RIPOR3: variants seen among roughly 807,000 people sequenced by gnomAD.
RIPOR3 encodes family with sequence similarity 65 member C.
A neutral mutation model predicts 114.3 loss-of-function variants in RIPOR3; 95 were observed. The ratio of observed to expected loss-of-function variants is 0.83; its 90% CI spans 0.70 to 0.99. RIPOR3 has a LOEUF of 0.99. RIPOR3 is among the 50% of genes least tolerant of loss of function. The pLI is 0.00. For missense variants in RIPOR3, 1,252 were observed against 1,266.9 expected, an observed-to-expected ratio of 0.99 and a Z score of 0.18; for synonymous variants, 575 against 543.8, an observed-to-expected ratio of 1.06 and a Z score of -0.80.
At chr20:50,646,989 A>C (rs1198008148) in intron 1 of RIPOR3, among the ~76,000 whole-genome samples, 1 of 152,172 alleles carries the variant, frequency 6.6e-6, no homozygotes, top group Admixed American at 6.5e-5. Context: ...GGTAGTTCCC[A>C]TAAGAAAAAG....
At position 50,616,008 on chromosome 20, in the gene RIPOR3, G is replaced by C; in HGVS notation, c.342C>G (p.Ser114=). The part of the protein sequence containing the change: ...SGRHKDTRRN[S]RLAFYYDLDK... Reference sequence around the variant, plus strand: ...AGGCAGGGAGGGGTCTCACCAGCCTGGAATTCCTCCTGGTGTCTTTGTGGC... The same window carrying C: ...AGGCAGGGAGGGGTCTCACCAGCCTCGAATTCCTCCTGGTGTCTTTGTGGC... Residue 114 remains serine (S), a synonymous_variant, in exon 4 of 22, where the codon TCC becomes TCG. Coordinates refer to ENST00000327979, the MANE Select transcript of RIPOR3 (RefSeq NM_001290268.2). 3 of 1,607,856 alleles carry C rather than the reference G, an allele frequency of 1.9e-6. No individual in the cohort carries two copies. Among genetic ancestry groups the C allele is most frequent in the Non-Finnish European group, 2.5e-6 (3 of 1,177,356 alleles).
intron 13 of RIPOR3, among the ~76,000 whole-genome samples, chr20:50,600,227 ATG>A (rs751688467): frequency 2.6e-4 from 40 of 152,096 alleles, no homozygotes; most frequent in African/African-American, 8.9e-4. Context: ...ATTTGCATAA[ATG>A]TGTGTGTGTG....
rs2083557948 is a variant in RIPOR3 at position 50,602,868 on chromosome 20, CCTCCTGG to C, written c.1087-231_1087-225del. Among the ~76,000 whole-genome samples, 1 of 152,258 alleles carries C rather than the reference CCTCCTGG, an allele frequency of 6.6e-6. No homozygotes were observed. The highest frequency in any genetic ancestry group is 1.5e-5 in the Non-Finnish European group (1 of 68,044). ...AACTCACTCCCCCCAACCTCAACAG[CCTCCTGG>C]CTATTGCTCATGCCCTGTGGGCTGG... On this transcript the variant is annotated intron_variant, in intron 12 of 21. Transcript: ENST00000327979. This position sits in a 1 kb window ranked among gnomAD's most constrained non-coding sequence, Gnocchi z 4.3.
intron 1 of RIPOR3, among the ~76,000 whole-genome samples, chr20:50,636,105 T>G (rs760527363): frequency 6.6e-5 from 10 of 152,168 alleles, no homozygotes; most frequent in Non-Finnish European, 1.3e-4. Context: ...GTGGGGCTGA[T>G]CCATGACGTT....
chr20:50,678,771 T>C (rs1431730246), intron 1 of RIPOR3, among the ~76,000 whole-genome samples: 5 of 152,052 alleles, frequency 3.3e-5, no homozygotes, highest in Non-Finnish European at 7.4e-5. Flanking sequence ...TTGCAAGTGC[T>C]TTGCATGTTA....
chr20:50,657,748 C>CTTT (rs1272938455), intron 1 of RIPOR3, among the ~76,000 whole-genome samples: 106 of 109,046 alleles, frequency 9.7e-4, no homozygotes, highest in African/African-American at 1.8e-3. Context: ...ATGTCTTTTA[C>CTTT]TTTTTTTTTT....
rs146738887 is a variant in RIPOR3, at chr20:50,620,628, AAAATAAATAAAT to A, written c.123-508_123-497del. 9.4e-3 allele frequency: 1,523 copies of A among 162,772 alleles called. 15 individuals are homozygous for A. Among genetic ancestry groups the A allele is most frequent in the African/African-American group, 0.027 (1,068 of 40,222 alleles). The allele number at this position is 162,772 out of a possible 1,614,324, so 10.1% of individuals were successfully genotyped here. On this transcript the variant is annotated intron_variant, in intron 2 of 21. Transcript: ENST00000327979. ...GGTGACAGAGTGAGACTCAGTCTTA[AAAATAAATAAAT>A]AAATAAATAAATAAATAAATAAATA...
intron 1 of RIPOR3, among the ~76,000 whole-genome samples, chr20:50,666,334 C>T (rs2086246404): frequency 6.7e-6 from 1 of 150,294 alleles, no homozygotes; most frequent in African/African-American, 2.5e-5. Context: ...AAGCAATTCT[C>T]CTGCTTCAGC....
rs757891823 is a variant in RIPOR3 at position 50,597,527 on chromosome 20, C to T, written c.1790+53G>A. On this transcript the variant is annotated intron_variant, in intron 14 of 21. Coordinates refer to ENST00000327979, the MANE Select transcript of RIPOR3 (RefSeq NM_001290268.2). Reference sequence around the variant, plus strand: ...CTGGCAGGAAACGTGGAGCTCGGGTCACCCGGTGGGAGTGGTGGCCACTGG... The same window carrying T: ...CTGGCAGGAAACGTGGAGCTCGGGTTACCCGGTGGGAGTGGTGGCCACTGG... 7.7e-6 allele frequency: 12 copies of T among 1,562,628 alleles called. No individual in the cohort carries two copies. In the East Asian group the frequency reaches 1.4e-4, roughly 19 times the overall value.
At chr20:50,639,760 C>T (rs1054152537) in intron 1 of RIPOR3, among the ~76,000 whole-genome samples, 6 of 152,090 alleles carry the variant, frequency 3.9e-5, no homozygotes, top group Admixed American at 2.6e-4. Context: ...GGTGTGTGTA[C>T]GCCTGACCTA....
chr20:50,653,441 CTT>C (rs569793114), intron 1 of RIPOR3, among the ~76,000 whole-genome samples: 17 of 145,138 alleles, frequency 1.2e-4, no homozygotes, highest in Admixed American at 2.1e-4. Flanking sequence ...AAATTGTATA[CTT>C]TTTTTTTTTT....
At position 50,592,884 on chromosome 20, in the gene RIPOR3, G is replaced by C. The variant is rs79687598; in HGVS notation, c.2374+151C>G. 12 of 1,068,628 alleles carry C rather than the reference G, an allele frequency of 1.1e-5. No homozygotes were observed. In the Admixed American group the frequency reaches 2.4e-4, roughly 21 times the overall value. 66.2% of individuals were successfully genotyped at this position (1,068,628 alleles called of 1,614,324 possible). A position where few individuals can be genotyped will look rare whatever the true frequency, so the allele number is the denominator to read the frequency against. On this transcript the variant is annotated intron_variant, in intron 18 of 21. Transcript: ENST00000327979. Reference sequence around the variant, plus strand: ...CTTGGAGCTAATATCAGCCCCCATCGGCTGAACGCAGAATCTCATTAAATC... The same window carrying C: ...CTTGGAGCTAATATCAGCCCCCATCCGCTGAACGCAGAATCTCATTAAATC...
chr20:50,667,201 C>G (rs1391076834), intron 1 of RIPOR3, among the ~76,000 whole-genome samples: 2 of 151,910 alleles, frequency 1.3e-5, no homozygotes, highest in African/African-American at 4.8e-5. Flanking sequence ...TGGACTGAAA[C>G]CTCCACCCCA....
At chr20:50,621,564 G>GA (rs557465317) in intron 2 of RIPOR3, among the ~76,000 whole-genome samples, 33 of 152,210 alleles carry the variant, frequency 2.2e-4, no homozygotes, top group Non-Finnish European at 4.1e-4. Context: ...AGCCAGCCAG[G>GA]AGTTCAGAAT....
chr20:50,656,835 T>A (rs866426345), intron 1 of RIPOR3, among the ~76,000 whole-genome samples: 1 of 152,148 alleles, frequency 6.6e-6, no homozygotes. Context: ...AAATAGTCCA[T>A]TGGGGGCCCA....
At chr20:50,664,858 T>C (rs1170766909) in intron 1 of RIPOR3, among the ~76,000 whole-genome samples, 1 of 151,980 alleles carries the variant, frequency 6.6e-6, no homozygotes, top group Non-Finnish European at 1.5e-5. Context: ...TCCCAACACT[T>C]TGGGAGGCCG....
intron 1 of RIPOR3, among the ~76,000 whole-genome samples, chr20:50,658,045 G>T (rs1442627057): frequency 6.6e-6 from 1 of 152,074 alleles, no homozygotes; most frequent in East Asian, 1.9e-4. Context: ...GATTACAGGT[G>T]TGAGACACCA....
chr20:50,604,169 G>A (rs1171879653), intron 12 of RIPOR3, among the ~76,000 whole-genome samples: 15 of 148,726 alleles, frequency 1.0e-4, no homozygotes, highest in Non-Finnish European at 5.9e-5. Context: ...TGGGAGACAA[G>A]AGCGAAACTC....
At chr20:50,589,955 G>A in intron 19 of RIPOR3, 186 bp from the exon 20 acceptor site, 1 of 525,386 alleles carries the variant, frequency 1.9e-6, no homozygotes, top group East Asian at 3.2e-5. Context: ...ATACTGTGGT[G>A]TTTAATTTAT....
Sources: allele counts gnomAD v4.1 joint callset (sites outside exome capture counted in the v4.1 genomes callset), GRCh38; gene constraint gnomAD v4.1.1; non-coding constraint Gnocchi (gnomAD v3.1); transcripts MANE v1.5; gene names NCBI Gene and HGNC (gene_info 2026-07-23, HGNC 2026-07-21).